The following WNK1 variants were observed in gnomAD, a reference collection of about 807,000 sequenced individuals.
WNK1 encodes the protein serine/threonine-protein kinase WNK1.
A neutral mutation model predicts 222.8 loss-of-function variants in WNK1; 38 were observed. The ratio of observed to expected loss-of-function variants is 0.17; its 90% CI spans 0.13 to 0.22. The LOEUF (loss-of-function observed/expected upper bound fraction) is 0.22. Ranked by LOEUF, WNK1 falls within the 10% of genes least tolerant of loss-of-function variation. The pLI, the probability that WNK1 is intolerant of heterozygous loss-of-function variation, is 1.00. For missense variants in WNK1, 2,348 were observed against 2,918.4 expected, an observed-to-expected ratio of 0.80 and a Z score of 4.50; for synonymous variants, 1,090 against 1,092.9, an observed-to-expected ratio of 1.00 and a Z score of 0.05.
Position 857,560 on chromosome 12 carries a change from A to G in WNK1, c.1400+311A>G, listed in dbSNP as rs555210876. Among the ~76,000 whole-genome samples, 3 of 152,354 alleles carry G rather than the reference A, an allele frequency of 2.0e-5. No individual in the cohort carries two copies. In the South Asian group the frequency reaches 6.2e-4, roughly 32 times the overall value. ...AAACTCAAAAAAGAGTTTAATATCT[A>G]ACACAGGAAATCTTTTCTTAGTCCT... On this transcript the variant is annotated intron_variant, in intron 5 of 27. Coordinates refer to ENST00000315939, the MANE Select transcript of WNK1 (RefSeq NM_018979.4).
chr12:792,506 G>T (rs907316130), intron 1 of WNK1, among the ~76,000 whole-genome samples: 1 of 151,684 alleles, frequency 6.6e-6, no homozygotes, highest in Admixed American at 6.6e-5. Flanking sequence ...AGTAGATGTG[G>T]GGTTTCACCA....
intron 3 of WNK1, among the ~76,000 whole-genome samples, chr12:828,175 G>A (rs1228295575): frequency 1.3e-4 from 19 of 151,488 alleles, no homozygotes; most frequent in South Asian, 6.3e-4. Context: ...GTGTGGTGGC[G>A]GGTGCCTGTA....
At chr12:801,114 C>T (rs1456808505) in intron 1 of WNK1, among the ~76,000 whole-genome samples, 2 of 152,114 alleles carry the variant, frequency 1.3e-5, no homozygotes, top group African/African-American at 4.8e-5. Flanking sequence ...TTATTGTTTG[C>T]ATTTAATATT....
intron 1 of WNK1, among the ~76,000 whole-genome samples, chr12:769,748 CATA>C: frequency 6.6e-6 from 1 of 152,228 alleles, no homozygotes; most frequent in East Asian, 1.9e-4. Flanking sequence ...GCTACTATAA[CATA>C]ATATATAAAG....
At chr12:868,693 T>A in intron 8 of WNK1, 1 of 1,613,926 alleles carries the variant, frequency 6.2e-7, no homozygotes, top group Non-Finnish European at 8.5e-7. Context: ...CTCAGCGTGT[T>A]TACCGAAATC....
chr12:891,214 T>C (rs912955186), intron 22 of WNK1, among the ~76,000 whole-genome samples: 27 of 152,148 alleles, frequency 1.8e-4, no homozygotes, highest in African/African-American at 5.3e-4. Context: ...TCTCGACTCA[T>C]TGCAACCTCC....
At position 909,104 on chromosome 12, in the gene WNK1, G is replaced by A; in HGVS notation, c.*312G>A. 2.8e-6 allele frequency: 1 copy of A among 359,334 alleles called. No homozygotes were observed. The highest frequency in any genetic ancestry group is 5.2e-6 in the Non-Finnish European group (1 of 191,164). The allele number at this position is 359,334 out of a possible 1,614,324, so 22.3% of individuals were successfully genotyped here. A position where few individuals can be genotyped will look rare whatever the true frequency, so the allele number is the denominator to read the frequency against. On this transcript the variant is annotated 3_prime_UTR_variant, in exon 28 of 28. Transcript: ENST00000315939. Reference sequence around the variant, plus strand: ...GGAAAGTCTTGTTCATAAGGAAGCTGGAGAACTCAATGTAAAATCAAACCC... The same window carrying A: ...GGAAAGTCTTGTTCATAAGGAAGCTAGAGAACTCAATGTAAAATCAAACCC...
intron 21 of WNK1, 97 bp downstream of exon 21, chr12:889,320 A>G (rs1953976913): frequency 9.6e-7 from 1 of 1,045,220 alleles, no homozygotes; most frequent in Non-Finnish European, 1.5e-6. Context: ...AATACCTTTA[A>G]CATGTATTCA....
At chr12:788,842 G>A (rs1403782150) in intron 1 of WNK1, among the ~76,000 whole-genome samples, 2 of 151,488 alleles carry the variant, frequency 1.3e-5, no homozygotes, top group Non-Finnish European at 1.5e-5. Context: ...AGCCGAGATC[G>A]TGCCACTACA....
At chr12:768,307 T>C (rs536665830) in intron 1 of WNK1, among the ~76,000 whole-genome samples, 2 of 152,192 alleles carry the variant, frequency 1.3e-5, no homozygotes, top group African/African-American at 2.4e-5. Flanking sequence ...AGCTAATTTT[T>C]ATATTTTTAG....
chr12:874,453 A>G (rs958879680), intron 9 of WNK1, among the ~76,000 whole-genome samples: 24 of 152,204 alleles, frequency 1.6e-4, no homozygotes, highest in African/African-American at 5.8e-4. Flanking sequence ...TACAAGGGTC[A>G]CTGTCATAGA....
intron 1 of WNK1, among the ~76,000 whole-genome samples, chr12:796,935 C>T (rs1945367202): frequency 6.6e-6 from 1 of 152,026 alleles, no homozygotes; most frequent in South Asian, 2.1e-4. Context: ...GTGCCCTATT[C>T]TCCACAGTAT....
intron 1 of WNK1, among the ~76,000 whole-genome samples, chr12:785,143 GT>G (rs1268187059): frequency 6.6e-6 from 1 of 151,984 alleles, no homozygotes; most frequent in Non-Finnish European, 1.5e-5. Context: ...GTAACCTATT[GT>G]TTTTTTCCTC....
chr12:897,136 T>A (rs1473692411), intron 24 of WNK1, among the ~76,000 whole-genome samples: 1 of 152,242 alleles, frequency 6.6e-6, no homozygotes, highest in Non-Finnish European at 1.5e-5. Context: ...ACTAAATGAA[T>A]CTGGCACTGG....
At chr12:785,871 A>G (rs1332389202) in intron 1 of WNK1, among the ~76,000 whole-genome samples, 2 of 152,164 alleles carry the variant, frequency 1.3e-5, no homozygotes, top group African/African-American at 4.8e-5. Flanking sequence ...CTGAAAACTG[A>G]TAAATAAATG....
chr12:811,697 G>C (rs1256581504), intron 1 of WNK1, among the ~76,000 whole-genome samples: 1 of 151,702 alleles, frequency 6.6e-6, no homozygotes, highest in African/African-American at 2.4e-5. Flanking sequence ...TTTATGAAAT[G>C]TTCCTAGATT....
intron 26 of WNK1, 50 bp from the exon 27 acceptor site, chr12:907,797 A>C (rs778931757): frequency 1.2e-6 from 2 of 1,608,658 alleles, no homozygotes; most frequent in Non-Finnish European, 1.7e-6. Context: ...CTCTTCCTGA[A>C]ATTGTAACCT....
rs77137902 is a variant in WNK1, at chr12:904,632, A to G, written c.6644-3215A>G. 265 of 556,170 alleles carry G rather than the reference A, an allele frequency of 4.8e-4. No individual in the cohort carries two copies. In the Admixed American group the frequency reaches 4.8e-3, roughly 10 times the overall value. 34.5% of individuals were successfully genotyped at this position (556,170 alleles called of 1,614,324 possible). On this transcript the variant is annotated intron_variant, in intron 26 of 27. Transcript: ENST00000315939. ...TATCCTATTCTAATAAATATTTAAC[A>G]TGCTTAATTGAGAAATCATCTCCTA...
At chr12:908,267 TACACACACACAG>T (rs1431878643) in intron 27 of WNK1, 196 bp from the exon 28 acceptor site, 13 of 746,624 alleles carry the variant, frequency 1.7e-5, no homozygotes, top group Non-Finnish European at 2.9e-5. Context: ...CATCCTCAAC[TACACACACACAG>T]ACACACACGC....
Sources: gnomAD v4.1 joint callset for allele counts (sites outside exome capture counted in the v4.1 genomes callset) on GRCh38, gnomAD v4.1.1 for gene constraint, MANE v1.5 for transcripts, NCBI Gene and HGNC (gene_info 2026-07-23, HGNC 2026-07-21) for gene names.